Variants in GPC6 observed in about 807,000 individuals in gnomAD.
GPC6 encodes glypican-6.
A neutral mutation model predicts 55.2 loss-of-function variants in GPC6; 14 were observed. That is an observed-to-expected ratio of 0.25 (90% CI 0.17 to 0.40). The LOEUF is 0.40. Among genes scored for constraint, GPC6 ranks in the 10% least tolerant of loss-of-function variants. The pLI, the probability that GPC6 is intolerant of heterozygous loss-of-function variation, is 1.00. For synonymous variants in GPC6, 278 were observed against 259.6 expected (o/e 1.07, Z -0.68); for missense variants, 641 against 708.5 (o/e 0.90, Z 1.08).
At chr13:93,295,116 A>C in intron 1 of GPC6, among the ~76,000 whole-genome samples, 1 of 147,046 alleles carries the variant, frequency 6.8e-6, no homozygotes, top group Admixed American at 6.9e-5. Flanking sequence ...CTGCAAAAAA[A>C]AAAAAAAAAA....
chr13:93,674,495 G>A (rs535060664), intron 2 of GPC6, among the ~76,000 whole-genome samples: 22 of 152,250 alleles, frequency 1.4e-4, no homozygotes, highest in African/African-American at 4.3e-4. Flanking sequence ...TACAGACCAC[G>A]CTGGTTTAAA....
In GPC6 at chr13:93,631,648, A is replaced by G. The variant is rs117113142; in HGVS notation, c.319+86227A>G. On this transcript the variant is annotated intron_variant, in intron 2 of 8. Transcript: ENST00000377047. ...TTGCCTTTTGTTTGTATTTCATTCT[A>G]TATTTTCCATGAATTTTCTCTCTTC... Among the ~76,000 whole-genome samples the G allele has an allele frequency of 9.9e-5, 15 of 152,234 alleles. No individual in the cohort carries two copies. The East Asian group carries it at 2.7e-3, about 27-fold the overall frequency.
At chr13:93,542,200 G>T (rs868686183) in intron 1 of GPC6, among the ~76,000 whole-genome samples, 1 of 152,022 alleles carries the variant, frequency 6.6e-6, no homozygotes, top group African/African-American at 2.4e-5. Context: ...TAATTTTTGT[G>T]TAAGGTGTAA....
intron 2 of GPC6, among the ~76,000 whole-genome samples, chr13:93,590,537 A>G (rs1031069466): frequency 6.6e-6 from 1 of 152,130 alleles, no homozygotes; most frequent in African/African-American, 2.4e-5. Context: ...CTATATCTTG[A>G]ATGAAAGAAT....
At chr13:93,450,078 G>A (rs1023878522) in intron 1 of GPC6, among the ~76,000 whole-genome samples, 2 of 152,030 alleles carry the variant, frequency 1.3e-5, no homozygotes, top group African/African-American at 4.8e-5. Context: ...GAGCCACCGC[G>A]CCTGGCCAGG....
At chr13:93,474,054 G>A (rs576155657) in intron 1 of GPC6, among the ~76,000 whole-genome samples, 20 of 152,328 alleles carry the variant, frequency 1.3e-4, no homozygotes, top group Non-Finnish European at 2.5e-4. Context: ...CGGATTGCCT[G>A]TAGCTGACAT....
At chr13:93,436,071 G>A (rs1877560228) in intron 1 of GPC6, among the ~76,000 whole-genome samples, 1 of 152,108 alleles carries the variant, frequency 6.6e-6, no homozygotes, top group Admixed American at 6.5e-5. Flanking sequence ...CCCCCTGTTT[G>A]AGACCAATTG....
intron 1 of GPC6, among the ~76,000 whole-genome samples, chr13:93,264,284 T>A (rs1350264797): frequency 6.6e-6 from 1 of 152,220 alleles, no homozygotes; most frequent in Non-Finnish European, 1.5e-5. Context: ...TCCCTCGGTA[T>A]CCATAGGGAA....
chr13:93,754,237 A>G (rs1297299835), intron 2 of GPC6, among the ~76,000 whole-genome samples: 1 of 152,212 alleles, frequency 6.6e-6, no homozygotes, highest in Non-Finnish European at 1.5e-5. Context: ...GGAGATATTT[A>G]TATTAGCTCC....
intron 3 of GPC6, among the ~76,000 whole-genome samples, chr13:93,896,844 A>C (rs1468719478): frequency 6.6e-6 from 1 of 152,080 alleles, no homozygotes; most frequent in African/African-American, 2.4e-5. Context: ...TGGAAACACC[A>C]AGAGAAACAA....
intron 3 of GPC6, among the ~76,000 whole-genome samples, chr13:93,891,375 C>G (rs906257326): frequency 4.6e-5 from 7 of 152,104 alleles, no homozygotes; most frequent in African/African-American, 1.7e-4. Flanking sequence ...CTATTAACAT[C>G]TGAACCTCAG....
At chr13:93,986,408 T>C (rs1881033125) in intron 3 of GPC6, among the ~76,000 whole-genome samples, 1 of 152,156 alleles carries the variant, frequency 6.6e-6, no homozygotes, top group Admixed American at 6.5e-5. Flanking sequence ...GAAAGTTTCA[T>C]CTGAACAAAG....
chr13:94,331,997 CATCT>C (rs1172988834), intron 6 of GPC6, among the ~76,000 whole-genome samples: 2 of 152,096 alleles, frequency 1.3e-5, no homozygotes, highest in African/African-American at 4.8e-5. Flanking sequence ...TTCTGTTCTC[CATCT>C]GAGTCTCAGT....
chr13:94,027,877 A>T lies in GPC6; in HGVS notation c.860A>T (p.Glu287Val), dbSNP rs770764312. ...GCAAATCAGGCTGACCTCGACACAG[A>T]GTGGAATCTGTTTATAGGTAAGAAG... is the stretch of plus-strand genomic sequence containing the variant. The part of the protein sequence containing the change: ...CLANQADLDT[E>V]WNLFIDAMLL... The change falls in exon 4 of 9, where the codon GAG (glutamate) becomes GTG (valine). Residue 287 changes from glutamate (E) to valine (V), a missense_variant. Physicochemically the swap from Glu to Val is moderately radical, Grantham distance 121. Transcript: ENST00000377047. The T allele has an allele frequency of 2.5e-6, 4 of 1,614,030 alleles. No homozygotes were observed. The highest frequency in any genetic ancestry group is 3.4e-6 in the Non-Finnish European group (4 of 1,179,972).
intron 6 of GPC6, among the ~76,000 whole-genome samples, chr13:94,358,416 T>C (rs1283534581): frequency 2.0e-5 from 3 of 152,084 alleles, no homozygotes; most frequent in Admixed American, 1.3e-4. Flanking sequence ...TGCAATCAGA[T>C]TCATTGGTCA....
chr13:94,284,682 A>C (rs1201870321), intron 4 of GPC6, among the ~76,000 whole-genome samples: 1 of 152,028 alleles, frequency 6.6e-6, no homozygotes, highest in African/African-American at 2.4e-5. Flanking sequence ...TTTCACACAC[A>C]ATTTTATCTG....
chr13:94,334,307 G>A (rs573624840), intron 6 of GPC6, among the ~76,000 whole-genome samples: 1 of 152,204 alleles, frequency 6.6e-6, no homozygotes, highest in Non-Finnish European at 1.5e-5. Context: ...ACCACTGTTT[G>A]CTGGCTCCTG....
intron 3 of GPC6, chr13:93,836,177 A>T (rs1887724874): frequency 6.6e-6 from 1 of 152,190 alleles, no homozygotes; most frequent in South Asian, 2.1e-4. Context: ...AACTTTCAAT[A>T]AATGTGGTTG....
At chr13:93,347,081 T>C (rs1880456712) in intron 1 of GPC6, among the ~76,000 whole-genome samples, 1 of 152,178 alleles carries the variant, frequency 6.6e-6, no homozygotes, top group Non-Finnish European at 1.5e-5. Flanking sequence ...AGTCATTTAT[T>C]GATGTTCTTT....
Sources: gnomAD v4.1 joint callset for allele counts (sites outside exome capture counted in the v4.1 genomes callset) on GRCh38, gnomAD v4.1.1 for gene constraint, MANE v1.5 for transcripts, NCBI Gene and HGNC (gene_info 2026-07-23, HGNC 2026-07-21) for gene names.